Variants in DYNC2H1 observed in about 807,000 individuals in gnomAD.
The protein encoded by DYNC2H1 is cytoplasmic dynein 2 heavy chain 1.
DYNC2H1 carries 410 observed loss-of-function variants against 570.0 expected under a neutral mutation model. The ratio of observed to expected loss-of-function variants is 0.72; its 90% CI spans 0.66 to 0.78. The LOEUF is 0.78. DYNC2H1 is among the 30% of genes least tolerant of loss of function. The pLI is 0.00. For missense variants in DYNC2H1, 4,865 were observed against 5,046.4 expected (o/e 0.96, Z 1.09); for synonymous variants, 1,688 against 1,677.6 (o/e 1.01, Z -0.15).
chr11:103,403,679 A>T (rs1942738697), intron 84 of DYNC2H1: 1 of 152,086 alleles, frequency 6.6e-6, no homozygotes, highest in Admixed American at 6.6e-5. Flanking sequence ...TAATGAGGGA[A>T]TAGTTCATGA....
chr11:103,288,048 T>C (rs1866420904), intron 75 of DYNC2H1, among the ~76,000 whole-genome samples: 1 of 151,954 alleles, frequency 6.6e-6, no homozygotes, highest in African/African-American at 2.4e-5. Context: ...TCAAGCGAGG[T>C]TTTCTTGCTG....
At chr11:103,302,441 A>G (rs1357658318) in intron 75 of DYNC2H1, among the ~76,000 whole-genome samples, 1 of 152,088 alleles carries the variant, frequency 6.6e-6, no homozygotes, top group Non-Finnish European at 1.5e-5. Context: ...CAATTGAGGA[A>G]ACTGAGGCAC....
At chr11:103,477,560 A>C (rs1251314102) in intron 88 of DYNC2H1, among the ~76,000 whole-genome samples, 1 of 152,152 alleles carries the variant, frequency 6.6e-6, no homozygotes, top group Non-Finnish European at 1.5e-5. Flanking sequence ...GGCCGGATGC[A>C]GTGGCTCACG....
At chr11:103,124,006 A>C (rs560032072) in intron 11 of DYNC2H1, among the ~76,000 whole-genome samples, 1 of 152,020 alleles carries the variant, frequency 6.6e-6, no homozygotes, top group African/African-American at 2.4e-5. Flanking sequence ...TTTGGGCTAA[A>C]TCATCATTTT....
chr11:103,292,010 A>G (rs1454846863), intron 75 of DYNC2H1, among the ~76,000 whole-genome samples: 1 of 152,146 alleles, frequency 6.6e-6, no homozygotes, highest in Non-Finnish European at 1.5e-5. Flanking sequence ...CTATTCAACC[A>G]CTGTTTCTCT....
rs1555041449 is a variant in DYNC2H1 at position 103,129,001 on chromosome 11, T to A, written c.1949T>A (p.Ile650Asn). Residue 650 changes from isoleucine to asparagine, a missense_variant, in exon 13 of 89, where the codon ATT becomes AAT. Physicochemically the swap from Ile to Asn is moderately radical, Grantham distance 149. Transcript: ENST00000375735. The surrounding 1 kb of genome is among the most constrained non-coding windows in gnomAD (Gnocchi z 4.1). ...LQSALAFEQI[I>N]KNSKAGSGGK... ...TCTGCCTTAGCATTTGAACAGATAA[T>A]TAAGGTAAATGGGCTTTTAATTTTA... 2 of 1,599,576 alleles carry A rather than the reference T, an allele frequency of 1.3e-6. No individual in the cohort carries two copies. The highest frequency in any genetic ancestry group is 1.7e-6 in the Non-Finnish European group (2 of 1,173,494).
At chr11:103,435,876 G>C (rs1320932855) in intron 84 of DYNC2H1, 67 bp from the exon 85 acceptor site, 4 of 1,513,644 alleles carry the variant, frequency 2.6e-6, no homozygotes, top group Non-Finnish European at 3.6e-6. Flanking sequence ...CATCACACTA[G>C]TGTTAGTAGT....
intron 79 of DYNC2H1, among the ~76,000 whole-genome samples, chr11:103,312,979 A>G (rs919932594): frequency 2.0e-5 from 3 of 151,320 alleles, no homozygotes; most frequent in African/African-American, 7.3e-5. Context: ...TATAATTTAA[A>G]TATGTGTACT....
intron 39 of DYNC2H1, among the ~76,000 whole-genome samples, chr11:103,179,666 T>G (rs904441261): frequency 7.9e-5 from 12 of 151,808 alleles, no homozygotes; most frequent in African/African-American, 2.9e-4. Context: ...TTAGGGCTAA[T>G]TCAGGTTTAT....
intron 59 of DYNC2H1, among the ~76,000 whole-genome samples, chr11:103,229,277 G>C (rs1863915592): frequency 6.6e-6 from 1 of 152,154 alleles, no homozygotes; most frequent in African/African-American, 2.4e-5. Context: ...GTATGTTCCT[G>C]CAGTAGTTCT....
At chr11:103,295,976 G>T (rs1159889284) in intron 75 of DYNC2H1, among the ~76,000 whole-genome samples, 1 of 152,122 alleles carries the variant, frequency 6.6e-6, no homozygotes, top group Non-Finnish European at 1.5e-5. Flanking sequence ...ACAGTATTGT[G>T]TTCCGCTCAG....
intron 73 of DYNC2H1, among the ~76,000 whole-genome samples, chr11:103,285,626 T>C (rs958166475): frequency 1.3e-5 from 2 of 151,844 alleles, no homozygotes; most frequent in Non-Finnish European, 2.9e-5. Flanking sequence ...GGTTTCACCA[T>C]GTTGGCCAGG....
intron 82 of DYNC2H1, among the ~76,000 whole-genome samples, chr11:103,327,440 G>C (rs1938555573): frequency 6.6e-6 from 1 of 152,026 alleles, no homozygotes; most frequent in African/African-American, 2.4e-5. Flanking sequence ...AGAATAAAAA[G>C]TTATTTCATA....
rs576971575 is a variant in DYNC2H1 at position 103,243,051 on chromosome 11, A to G, written c.9820-642A>G. On this transcript the variant is annotated intron_variant, in intron 63 of 88. Coordinates refer to ENST00000375735, the MANE Select transcript of DYNC2H1 (RefSeq NM_001377.3). The surrounding 1 kb of genome is among the most constrained non-coding windows in gnomAD (Gnocchi z 4.8). ...GTGCAGGATGTTCTATAATGAATTT[A>G]GTTTTTAGTTCATTTCATTAGATCT... 6.6e-6 allele frequency among the ~76,000 whole-genome samples: 1 copy of G among 152,190 alleles called. No homozygotes were observed. The highest frequency in any genetic ancestry group is 2.4e-5 in the African/African-American group (1 of 41,526).
chr11:103,148,670 G>T, intron 20 of DYNC2H1, 53 bp downstream of exon 20: 1 of 1,512,674 alleles, frequency 6.6e-7, no homozygotes. Flanking sequence ...CATGGAAAAT[G>T]TTTAAATTAG....
In DYNC2H1 at chr11:103,326,238, G is replaced by C. The variant is rs1565497222; in HGVS notation, c.12039+2248G>C. Reference sequence around the variant, plus strand: ...GCAGGCACGTTCTTGGGAGTAGAGGGAGGGGCGGGGAATAAAATCATCTCA... The same window carrying C: ...GCAGGCACGTTCTTGGGAGTAGAGGCAGGGGCGGGGAATAAAATCATCTCA... On this transcript the variant is annotated intron_variant, in intron 82 of 88. Transcript: ENST00000375735. This position sits in a 1 kb window ranked among gnomAD's most constrained non-coding sequence, Gnocchi z 6.1. Among the ~76,000 whole-genome samples, 2 of 152,066 alleles carry C rather than the reference G, an allele frequency of 1.3e-5. No homozygotes were observed. The highest frequency in any genetic ancestry group is 2.1e-4 in the South Asian group (1 of 4,826).
intron 48 of DYNC2H1, among the ~76,000 whole-genome samples, chr11:103,198,645 A>C (rs1037567561): frequency 2.0e-5 from 3 of 152,152 alleles, no homozygotes; most frequent in African/African-American, 7.2e-5. Context: ...ACATTTTTTC[A>C]TGGTCTGGTA....
chr11:103,225,226 C>A (rs1453867264), intron 59 of DYNC2H1, among the ~76,000 whole-genome samples: 4 of 151,982 alleles, frequency 2.6e-5, no homozygotes, highest in Non-Finnish European at 1.5e-5. Flanking sequence ...CTGATTATTT[C>A]TTTTGCTATG....
At chr11:103,463,180 TA>T (rs1255221418) in intron 87 of DYNC2H1, among the ~76,000 whole-genome samples, 1 of 151,966 alleles carries the variant, frequency 6.6e-6, no homozygotes, top group African/African-American at 2.4e-5. Flanking sequence ...TGGTAAAATA[TA>T]AAAAAAGGAA....
Sources: allele counts gnomAD v4.1 joint callset (sites outside exome capture counted in the v4.1 genomes callset), GRCh38; gene constraint gnomAD v4.1.1; non-coding constraint Gnocchi (gnomAD v3.1); transcripts MANE v1.5; gene names NCBI Gene and HGNC (gene_info 2026-07-23, HGNC 2026-07-21).